The following NRXN3 variants were observed in gnomAD, a reference collection of about 807,000 sequenced individuals.
The protein encoded by NRXN3 is neurexin 3, also known as neurexin III.
A neutral mutation model predicts 137.6 loss-of-function variants in NRXN3; 32 were observed. The ratio of observed to expected loss-of-function variants is 0.23; its 90% CI spans 0.18 to 0.31. The LOEUF is 0.31. Ranked by LOEUF, NRXN3 falls within the 10% of genes least tolerant of loss-of-function variation. The probability of loss-of-function intolerance (pLI) is 1.00; values close to 1 mark genes in which losing one functional copy is unlikely to be tolerated. For synonymous variants in NRXN3, 798 were observed against 784.5 expected, an observed-to-expected ratio of 1.02 and a Z score of -0.29; for missense variants, 1,574 against 2,062.5, an observed-to-expected ratio of 0.76 and a Z score of 4.59.
At chr14:78,194,202 T>C (rs1486941308) in intron 1 of NRXN3, among the ~76,000 whole-genome samples, 1 of 152,240 alleles carries the variant, frequency 6.6e-6, no homozygotes, top group Non-Finnish European at 1.5e-5. Flanking sequence ...CATTGCAGCC[T>C]TGCTTTGGCG....
chr14:78,171,820 A>T (rs1397182551), intron 1 of NRXN3, among the ~76,000 whole-genome samples: 5 of 152,210 alleles, frequency 3.3e-5, no homozygotes. Context: ...ATGCAATGAG[A>T]ACATCATATT....
chr14:79,064,162 G>T (rs2099677733), intron 15 of NRXN3, among the ~76,000 whole-genome samples: 1 of 152,114 alleles, frequency 6.6e-6, no homozygotes, highest in African/African-American at 2.4e-5. Context: ...TCTGTGAGCG[G>T]ATTATTTGGT....
intron 10 of NRXN3, among the ~76,000 whole-genome samples, chr14:78,945,270 A>G (rs1264680717): frequency 2.0e-5 from 3 of 152,154 alleles, no homozygotes; most frequent in East Asian, 3.9e-4. Flanking sequence ...TTTGATGAAT[A>G]TTTAAATTTC....
At chr14:79,506,531 TA>T (rs2096880310) in intron 16 of NRXN3, among the ~76,000 whole-genome samples, 1 of 152,210 alleles carries the variant, frequency 6.6e-6, no homozygotes, top group Non-Finnish European at 1.5e-5. Flanking sequence ...TACATTCTCA[TA>T]AGGTTCATTC....
intron 4 of NRXN3, among the ~76,000 whole-genome samples, chr14:78,578,375 T>C (rs1349091259): frequency 6.6e-6 from 1 of 152,212 alleles, no homozygotes; most frequent in Non-Finnish European, 1.5e-5. Flanking sequence ...TGATGGAGTG[T>C]TCTTCACTGG....
intron 4 of NRXN3, among the ~76,000 whole-genome samples, chr14:78,634,389 C>G (rs771850181): frequency 5.3e-5 from 8 of 152,164 alleles, no homozygotes; most frequent in Non-Finnish European, 1.2e-4. Flanking sequence ...TCTGGGTAAA[C>G]AGGAGATTTT....
chr14:79,663,749 A>G (rs1233363660), intron 16 of NRXN3, 29 bp from the exon 17 acceptor site: 4 of 1,604,262 alleles, frequency 2.5e-6, no homozygotes, highest in Non-Finnish European at 3.4e-6. Flanking sequence ...GTTGGTGATA[A>G]CTATGCCTTT....
intron 4 of NRXN3, among the ~76,000 whole-genome samples, chr14:78,468,909 C>G (rs780988200): frequency 9.9e-5 from 15 of 151,954 alleles, no homozygotes; most frequent in Admixed American, 7.2e-4. Context: ...TTTGAGGAAC[C>G]TGGGCTTGGG....
intron 15 of NRXN3, among the ~76,000 whole-genome samples, chr14:79,418,139 A>T (rs1373371892): frequency 6.6e-6 from 1 of 152,178 alleles, no homozygotes; most frequent in Non-Finnish European, 1.5e-5. Context: ...TGACATATGC[A>T]TGAAGCATGA....
chr14:79,805,194 G>C lies in NRXN3; in HGVS notation c.4093+4G>C, dbSNP rs189843618. The C allele has an allele frequency of 3.7e-6, 6 of 1,612,304 alleles. No individual in the cohort carries two copies. The Admixed American group carries it at 6.7e-5, about 18-fold the overall frequency. Reference sequence around the variant, plus strand: ...GTTGAATGTGAGCCGAGTACAGGTAGGTCAGGTCAGTCTTATTTTGCTTGC... The same window carrying C: ...GTTGAATGTGAGCCGAGTACAGGTACGTCAGGTCAGTCTTATTTTGCTTGC... On this transcript the variant is annotated splice_donor_region_variant and intron_variant, in intron 20 of 20. Coordinates refer to ENST00000335750, the MANE Select transcript of NRXN3 (RefSeq NM_001330195.2).
chr14:79,061,395 T>C (rs2099674076), intron 15 of NRXN3, among the ~76,000 whole-genome samples: 1 of 151,974 alleles, frequency 6.6e-6, no homozygotes, highest in African/African-American at 2.4e-5. Context: ...TGGCTAGAGA[T>C]AGGAAGGAGG....
At chr14:78,759,661 C>T (rs574487749) in intron 8 of NRXN3, among the ~76,000 whole-genome samples, 1 of 152,228 alleles carries the variant, frequency 6.6e-6, no homozygotes, top group South Asian at 2.1e-4. Context: ...TTAGGGTTGG[C>T]ATAGAAGATA....
intron 15 of NRXN3, among the ~76,000 whole-genome samples, chr14:79,014,092 C>A (rs1419751393): frequency 2.6e-5 from 4 of 152,150 alleles, no homozygotes; most frequent in Admixed American, 2.6e-4. Context: ...TGGCAAGGAG[C>A]AGTGGGACCT....
intron 8 of NRXN3, among the ~76,000 whole-genome samples, chr14:78,775,596 G>T (rs1436717947): frequency 6.6e-6 from 1 of 152,210 alleles, no homozygotes; most frequent in East Asian, 1.9e-4. Flanking sequence ...TTACAGGAAT[G>T]AGGTGCCATT....
chr14:78,944,401 A>T (rs761011472), intron 10 of NRXN3, among the ~76,000 whole-genome samples: 1 of 152,228 alleles, frequency 6.6e-6, no homozygotes. Flanking sequence ...GTGGTTTGAG[A>T]ATCACCTGTG....
intron 15 of NRXN3, among the ~76,000 whole-genome samples, chr14:79,364,333 C>T (rs1368655390): frequency 6.6e-6 from 1 of 152,160 alleles, no homozygotes; most frequent in Admixed American, 6.5e-5. Flanking sequence ...TGTGTTCAGC[C>T]TTCATAAGGG....
intron 15 of NRXN3, among the ~76,000 whole-genome samples, chr14:79,317,821 T>C (rs1345550416): frequency 6.6e-6 from 1 of 152,216 alleles, no homozygotes; most frequent in Non-Finnish European, 1.5e-5. Context: ...ATTTAGTGTA[T>C]AAATATAATA....
Position 78,669,916 on chromosome 14 carries a change from T to G in NRXN3, c.1221+18590T>G, listed in dbSNP as rs138199936. Among the ~76,000 whole-genome samples, 141 of 152,230 alleles carry G rather than the reference T, an allele frequency of 9.3e-4. 7 individuals are homozygous for G. The South Asian group carries it at 0.02, about 21-fold the overall frequency. On this transcript the variant is annotated intron_variant, in intron 6 of 20. Transcript: ENST00000335750. ...GGTTTACATGTGCAGAACGTACAGT[T>G]TTGTTACTTGGGTATACGCATATCC...
chr14:78,430,569 G>C (rs183627700), intron 4 of NRXN3, among the ~76,000 whole-genome samples: 11 of 152,254 alleles, frequency 7.2e-5, no homozygotes, highest in Admixed American at 7.2e-4. Context: ...TTCTCATCTT[G>C]TTTCCTCAGA....
Sources: allele counts gnomAD v4.1 joint callset (sites outside exome capture counted in the v4.1 genomes callset), GRCh38; gene constraint gnomAD v4.1.1; transcripts MANE v1.5; gene names NCBI Gene and HGNC (gene_info 2026-07-23, HGNC 2026-07-21).